GCNT2: variants seen among roughly 807,000 people sequenced by gnomAD.
GCNT2 encodes glucosaminyl (N-acetyl) transferase 2 (I blood group).
In GCNT2, 34 loss-of-function variants were observed where a neutral mutation model predicts 34.2. That is an observed-to-expected ratio of 1.00 (90% CI 0.76 to 1.32). GCNT2 has a LOEUF of 1.32. Ranked by LOEUF, GCNT2 falls within the 40% of genes most tolerant of loss-of-function variation. The pLI is 0.00. For missense variants in GCNT2, 584 were observed against 489.4 expected (o/e 1.19, Z -1.82); for synonymous variants, 212 against 188.0 (o/e 1.13, Z -1.04).
chr6:10,550,714 C>T (rs995383172), intron 3 of GCNT2, among the ~76,000 whole-genome samples: 11 of 151,940 alleles, frequency 7.2e-5, no homozygotes, highest in African/African-American at 2.4e-4. Context: ...AACTCCTGGG[C>T]TCAAGTAATC....
chr6:10,543,068 C>T (rs777143075), intron 3 of GCNT2, among the ~76,000 whole-genome samples: 8 of 151,634 alleles, frequency 5.3e-5, no homozygotes, highest in African/African-American at 9.7e-5. Context: ...CCACCACACC[C>T]GGCTAATTTT....
At chr6:10,600,793 A>T (rs2127427072) in intron 3 of GCNT2, among the ~76,000 whole-genome samples, 1 of 152,086 alleles carries the variant, frequency 6.6e-6, no homozygotes, top group African/African-American at 2.4e-5. Flanking sequence ...TAGAGACAGC[A>T]TCTCATTCTG....
intron 3 of GCNT2, among the ~76,000 whole-genome samples, chr6:10,609,417 A>AGGATTGAACCC (rs1765457766): frequency 1.3e-5 from 2 of 152,224 alleles, no homozygotes; most frequent in African/African-American, 2.4e-5. Flanking sequence ...ACCCATACTC[A>AGGATTGAACCC]AAATAATGAC....
In GCNT2 at chr6:10,628,987, A is replaced by C. The variant is rs1476419249; in HGVS notation, c.*2380A>C. ...CAGTGAGCTGAGAGTGCCCCACTGCACTCCAGCCTGGGTGACAGAGCGAGA... is the reference window on the plus strand; with the variant it reads ...CAGTGAGCTGAGAGTGCCCCACTGCCCTCCAGCCTGGGTGACAGAGCGAGA... On this transcript the variant is annotated 3_prime_UTR_variant, in exon 5 of 5. Coordinates refer to ENST00000495262, the MANE Select transcript of GCNT2 (RefSeq NM_145649.5). The C allele has an allele frequency of 6.6e-6, 1 of 152,600 alleles. No homozygotes were observed. The highest frequency in any genetic ancestry group is 1.5e-5 in the Non-Finnish European group (1 of 68,054). The allele number at this position is 152,600 out of a possible 1,614,324, so 9.5% of individuals were successfully genotyped here. A position where few individuals can be genotyped will look rare whatever the true frequency, so the allele number is the denominator to read the frequency against.
At chr6:10,579,848 AC>A (rs1318017615) in intron 3 of GCNT2, among the ~76,000 whole-genome samples, 14 of 150,718 alleles carry the variant, frequency 9.3e-5, no homozygotes, top group East Asian at 3.9e-4. Context: ...AAAAAAAAAA[AC>A]AAGTAATAAA....
intron 3 of GCNT2, chr6:10,586,331 T>C (rs1211064898): frequency 5.0e-6 from 8 of 1,614,178 alleles, no homozygotes; most frequent in South Asian, 4.4e-5. Flanking sequence ...AAAGGCTCTT[T>C]AGGGCTATCT....
intron 3 of GCNT2, among the ~76,000 whole-genome samples, chr6:10,616,428 C>T (rs986354225): frequency 6.6e-6 from 1 of 152,184 alleles, no homozygotes; most frequent in African/African-American, 2.4e-5. Flanking sequence ...TGCTTTTATT[C>T]TCTTATCTGG....
chr6:10,625,925 G>A (rs570821171), intron 4 of GCNT2, among the ~76,000 whole-genome samples: 29 of 152,316 alleles, frequency 1.9e-4, no homozygotes, highest in African/African-American at 5.8e-4. Flanking sequence ...TAAAAGTTAT[G>A]TGAATAAAAG....
intron 3 of GCNT2, among the ~76,000 whole-genome samples, chr6:10,608,421 T>G (rs1045124600): frequency 2.0e-5 from 3 of 152,202 alleles, no homozygotes; most frequent in African/African-American, 7.2e-5. Flanking sequence ...GTCATATTGC[T>G]CTTCCAAAAA....
At chr6:10,606,750 A>G (rs1308610930) in intron 3 of GCNT2, among the ~76,000 whole-genome samples, 1 of 120,100 alleles carries the variant, frequency 8.3e-6, no homozygotes, top group African/African-American at 3.5e-5. Flanking sequence ...AATAAAATGC[A>G]GAAAACGATA....
chr6:10,621,429 ACG>A lies in GCNT2; in HGVS notation c.1005_1006del (p.His335GlnfsTer24). ...AAGTGGAGTGACATGGAAGACAGAC[ACG>A]GAGGCTGCCACGGTGAGGCTCTCGT... On this transcript the variant is annotated frameshift_variant, in exon 4 of 5. Transcript: ENST00000495262. LOFTEE classifies it high-confidence loss of function. 1 of 1,610,838 alleles carries A rather than the reference ACG, an allele frequency of 6.2e-7. No individual in the cohort carries two copies. Among genetic ancestry groups the A allele is most frequent in the Non-Finnish European group, 8.5e-7 (1 of 1,177,048 alleles).
chr6:10,546,387 G>C (rs1033171284), intron 3 of GCNT2, among the ~76,000 whole-genome samples: 2 of 152,148 alleles, frequency 1.3e-5, no homozygotes, highest in East Asian at 1.9e-4. Context: ...GTCCAGGCAC[G>C]GTGGCTGATG....
chr6:10,531,454 A>G (rs1350373152), intron 3 of GCNT2, among the ~76,000 whole-genome samples: 1 of 152,206 alleles, frequency 6.6e-6, no homozygotes, highest in African/African-American at 2.4e-5. Context: ...TCTAAAAATA[A>G]CTAAGCCAGG....
Position 10,529,065 on chromosome 6 carries a change from A to T in GCNT2, c.154A>T (p.Ile52Phe), listed in dbSNP as rs749240759. 6.2e-7 allele frequency: 1 copy of T among 1,614,156 alleles called. No homozygotes were observed. Among genetic ancestry groups the T allele is most frequent in the Admixed American group, 1.7e-5 (1 of 60,014 alleles). ...ACTGTTAGCAGAAGCCTGTCATCAG[A>T]TTTTTGAGGGGAAAGTTTTTTACCC... ...ASLLAEACHQIFEGKVFYPTE... is the reference protein window; with the variant it reads ...ASLLAEACHQFFEGKVFYPTE... The change falls in exon 3 of 5, where the codon ATT becomes TTT. Residue 52 changes from isoleucine (I) to phenylalanine (F), a missense_variant. Physicochemically the swap from Ile to Phe is conservative, Grantham distance 21. Transcript: ENST00000495262.
At chr6:10,621,473 A>T (rs1766034438) in intron 4 of GCNT2, 30 bp downstream of exon 4, 2 of 1,389,668 alleles carry the variant, frequency 1.4e-6, no homozygotes, top group African/African-American at 2.8e-5. Context: ...CTTCTAGGCC[A>T]CTGCCTGTTG....
chr6:10,600,304 TATAC>T (rs1460888459), intron 3 of GCNT2, among the ~76,000 whole-genome samples: 1 of 152,222 alleles, frequency 6.6e-6, no homozygotes, highest in Non-Finnish European at 1.5e-5. Context: ...GTCTTATAGG[TATAC>T]TATATAATAC....
At chr6:10,552,108 A>G (rs1332567328) in intron 3 of GCNT2, among the ~76,000 whole-genome samples, 1 of 152,062 alleles carries the variant, frequency 6.6e-6, no homozygotes, top group African/African-American at 2.4e-5. Flanking sequence ...CTAGACAACA[A>G]TTTCTTTTGT....
At chr6:10,575,419 T>C (rs1322401286) in intron 3 of GCNT2, among the ~76,000 whole-genome samples, 13 of 149,836 alleles carry the variant, frequency 8.7e-5, no homozygotes, top group Admixed American at 6.1e-4. Flanking sequence ...TGGAGTGCAA[T>C]GGCGCGTTCT....
intron 3 of GCNT2, chr6:10,586,690 A>G: frequency 6.2e-7 from 1 of 1,614,100 alleles, no homozygotes; most frequent in Non-Finnish European, 8.5e-7. Flanking sequence ...TATGTCCACC[A>G]AGAGCATACA....
Sources: allele counts gnomAD v4.1 joint callset (sites outside exome capture counted in the v4.1 genomes callset), GRCh38; gene constraint gnomAD v4.1.1; transcripts MANE v1.5; gene names NCBI Gene and HGNC (gene_info 2026-07-23, HGNC 2026-07-21).